BANF2: variants seen among roughly 807,000 people sequenced by gnomAD.
The protein encoded by BANF2 is barrier-to-autointegration factor-like protein.
Under a neutral mutation model 8.0 loss-of-function variants are expected in BANF2, and 4 were observed. The ratio of observed to expected loss-of-function variants is 0.50; its 90% CI spans 0.25 to 1.14. BANF2 has a LOEUF of 1.14. Among genes scored for constraint, BANF2 ranks in the 50% most tolerant of loss-of-function variants. The pLI is 0.16. For missense variants in BANF2, 96 were observed against 107.5 expected (o/e 0.89, Z 0.47); for synonymous variants, 50 against 40.6 (o/e 1.23, Z -0.88).
intron 1 of BANF2, among the ~76,000 whole-genome samples, chr20:17,718,785 C>T (rs2122613945): frequency 6.6e-6 from 1 of 152,266 alleles, no homozygotes; most frequent in South Asian, 2.1e-4. Context: ...TTCCTTTATT[C>T]CTTATTTAAA....
upstream of BANF2, among the ~76,000 whole-genome samples, chr20:17,695,295 TAA>T (rs746524196): frequency 6.7e-6 from 1 of 148,926 alleles, no homozygotes; most frequent in African/African-American, 2.5e-5. Context: ...AAACAATAAT[TAA>T]AAAAAAATTA....
At chr20:17,700,314 C>T (rs1181625606) in intron 1 of BANF2, among the ~76,000 whole-genome samples, 1 of 151,996 alleles carries the variant, frequency 6.6e-6, no homozygotes, top group Non-Finnish European at 1.5e-5. Flanking sequence ...TTGCCACCTG[C>T]ACCAGCTCCC....
chr20:17,722,947 A>G (rs2037753695), intron 2 of BANF2, 69 bp downstream of exon 2: 1 of 900,058 alleles, frequency 1.1e-6, no homozygotes. Flanking sequence ...GCACCTGATC[A>G]TTTACGTCAT....
intron 3 of BANF2, among the ~76,000 whole-genome samples, chr20:17,729,850 G>C (rs536521725): frequency 2.0e-4 from 31 of 152,354 alleles, no homozygotes; most frequent in African/African-American, 7.5e-4. Flanking sequence ...GGAGGCAGTG[G>C]TGGGTCTGTG....
intron 3 of BANF2, among the ~76,000 whole-genome samples, chr20:17,727,253 A>G (rs1291444745): frequency 6.6e-6 from 1 of 152,120 alleles, no homozygotes; most frequent in African/African-American, 2.4e-5. Flanking sequence ...CAGTGCAGTG[A>G]GCACTTTCCT....
intron 3 of BANF2, among the ~76,000 whole-genome samples, chr20:17,733,257 G>A (rs1568821995): frequency 1.3e-5 from 2 of 152,174 alleles, no homozygotes; most frequent in Non-Finnish European, 2.9e-5. Context: ...CAGTTGGGAA[G>A]TGCAGGAATA....
At chr20:17,716,224 C>T (rs952836636) in intron 1 of BANF2, among the ~76,000 whole-genome samples, 8 of 152,220 alleles carry the variant, frequency 5.3e-5, no homozygotes, top group Non-Finnish European at 8.8e-5. Flanking sequence ...TTTCTCCCTC[C>T]GGTGTATGAG....
upstream of BANF2, among the ~76,000 whole-genome samples, chr20:17,696,782 T>C (rs1192459944): frequency 6.6e-6 from 1 of 152,142 alleles, no homozygotes; most frequent in Non-Finnish European, 1.5e-5. Context: ...AAATGATTTG[T>C]GTGAATGATC....
In BANF2 at chr20:17,709,428, C is replaced by A. The variant is rs117103796; in HGVS notation, c.-167+9373C>A. Reference sequence around the variant, plus strand: ...TTAAATCTTGGGCGAGGCATTCTGTCCAGCAAAGAACAGGAGGTGAATACA... The same window carrying A: ...TTAAATCTTGGGCGAGGCATTCTGTACAGCAAAGAACAGGAGGTGAATACA... On this transcript the variant is annotated intron_variant, in intron 1 of 3. Transcript: ENST00000246090. 5.3e-5 allele frequency among the ~76,000 whole-genome samples: 8 copies of A among 152,274 alleles called. No homozygotes were observed. In the East Asian group the frequency reaches 1.5e-3, roughly 29 times the overall value.
chr20:17,731,286 A>AC (rs1444793954), intron 3 of BANF2: 2 of 152,174 alleles, frequency 1.3e-5, no homozygotes, highest in Non-Finnish European at 2.9e-5. Context: ...AAGAAAAAAA[A>AC]ACACACAAGA....
At chr20:17,716,801 C>A (rs2037659657) in intron 1 of BANF2, among the ~76,000 whole-genome samples, 1 of 123,766 alleles carries the variant, frequency 8.1e-6, no homozygotes, top group South Asian at 2.6e-4. Flanking sequence ...AAGATTGTGC[C>A]ACTGCACTTC....
At chr20:17,718,692 G>C (rs894158616) in intron 1 of BANF2, among the ~76,000 whole-genome samples, 1 of 152,196 alleles carries the variant, frequency 6.6e-6, no homozygotes, top group Non-Finnish European at 1.5e-5. Context: ...CTGTCATACA[G>C]CTTTTAAAAA....
At chr20:17,716,401 C>T (rs1474696336) in intron 1 of BANF2, among the ~76,000 whole-genome samples, 3 of 151,968 alleles carry the variant, frequency 2.0e-5, no homozygotes, top group Admixed American at 6.6e-5. Context: ...GGTACGACCA[C>T]GGCTCACTGC....
At chr20:17,702,228 G>A (rs918167975) in intron 1 of BANF2, among the ~76,000 whole-genome samples, 3 of 152,152 alleles carry the variant, frequency 2.0e-5, no homozygotes, top group Admixed American at 6.5e-5. Flanking sequence ...AACTGCCATC[G>A]ATGTGCCAAG....
intron 1 of BANF2, among the ~76,000 whole-genome samples, chr20:17,718,605 G>T (rs2037687716): frequency 6.6e-6 from 1 of 152,122 alleles, no homozygotes; most frequent in South Asian, 2.1e-4. Context: ...CATTTGTATG[G>T]CATTGGAGCA....
At chr20:17,726,418 C>T (rs986331741) in intron 3 of BANF2, among the ~76,000 whole-genome samples, 4 of 152,142 alleles carry the variant, frequency 2.6e-5, no homozygotes, top group African/African-American at 9.7e-5. Context: ...AACTCCTGGA[C>T]TCAAGTGATT....
At chr20:17,696,865 T>C (rs974044174), upstream of BANF2, among the ~76,000 whole-genome samples, 14 of 152,104 alleles carry the variant, frequency 9.2e-5, no homozygotes, top group African/African-American at 3.4e-4. Flanking sequence ...ATTGGAAGAA[T>C]GGGAACTGGA....
intron 3 of BANF2, among the ~76,000 whole-genome samples, chr20:17,735,451 C>T (rs2037963475): frequency 6.6e-6 from 1 of 152,212 alleles, no homozygotes; most frequent in African/African-American, 2.4e-5. Flanking sequence ...GGCCCGCAAA[C>T]CAGCCCTGAG....
upstream of BANF2, among the ~76,000 whole-genome samples, chr20:17,699,601 C>A (rs2037380674): frequency 6.6e-6 from 1 of 152,136 alleles, no homozygotes; most frequent in Non-Finnish European, 1.5e-5. Context: ...CTGGGGGTAC[C>A]CACGGAAGTC....
Sources: gnomAD v4.1 joint callset for allele counts (sites outside exome capture counted in the v4.1 genomes callset) on GRCh38, gnomAD v4.1.1 for gene constraint, MANE v1.5 for transcripts, NCBI Gene and HGNC (gene_info 2026-07-23, HGNC 2026-07-21) for gene names.